Variants in XRCC4 observed in about 807,000 individuals in gnomAD.
The protein encoded by XRCC4 is X-ray repair cross complementing 4, also known as DNA repair protein XRCC4.
Under a neutral mutation model 39.1 loss-of-function variants are expected in XRCC4, and 28 were observed. That is an observed-to-expected ratio of 0.72 (90% CI 0.53 to 0.98). The LOEUF is 0.98. Ranked by LOEUF, XRCC4 falls within the 50% of genes least tolerant of loss-of-function variation. The pLI is 0.00. For missense variants in XRCC4, 350 were observed against 376.4 expected (o/e 0.93, Z 0.58); for synonymous variants, 123 against 126.4 (o/e 0.97, Z 0.18).
chr5:83,171,621 C>T lies in XRCC4; in HGVS notation c.316-24149C>T, dbSNP rs536919707. On this transcript the variant is annotated intron_variant, in intron 3 of 7. Transcript: ENST00000396027. ...ATGGGAAATGCTCTCTGTATTTTGC[C>T]ATTCCATCAACTTGACTCATTTGCC... Among the ~76,000 whole-genome samples, 5 of 152,242 alleles carry T rather than the reference C, an allele frequency of 3.3e-5. No individual in the cohort carries two copies. In the East Asian group the frequency reaches 9.6e-4, roughly 29 times the overall value.
intron 1 of XRCC4, among the ~76,000 whole-genome samples, chr5:83,094,884 C>CT (rs74373750): frequency 0.033 from 4,215 of 127,848 alleles, 91 homozygotes; most frequent in African/African-American, 0.066. Flanking sequence ...ATTCTGAAAT[C>CT]TTTTTTTTTT....
chr5:83,221,606 TTC>T (rs1164937478), intron 6 of XRCC4, among the ~76,000 whole-genome samples: 1 of 152,106 alleles, frequency 6.6e-6, no homozygotes, highest in East Asian at 1.9e-4. Context: ...AATATATTAT[TTC>T]TTTCTCATCT....
intron 7 of XRCC4, among the ~76,000 whole-genome samples, chr5:83,341,505 G>A (rs10061326): frequency 0.25 from 38,743 of 152,022 alleles, 7,154 homozygotes; most frequent in East Asian, 0.71. Context: ...TTAGTGGATG[G>A]AAATAAAGAT....
intron 3 of XRCC4, among the ~76,000 whole-genome samples, chr5:83,143,762 T>C (rs1254151571): frequency 6.6e-6 from 1 of 152,118 alleles, no homozygotes; most frequent in African/African-American, 2.4e-5. Context: ...TTTTCTCGTC[T>C]CCATTTTTTT....
At chr5:83,257,083 G>A (rs1004419688) in intron 6 of XRCC4, among the ~76,000 whole-genome samples, 5 of 152,072 alleles carry the variant, frequency 3.3e-5, no homozygotes, top group African/African-American at 7.2e-5. Context: ...AAGTTGTCTC[G>A]TAGAGATCAA....
At position 83,310,948 on chromosome 5, in the gene XRCC4, C is replaced by A. The variant is rs990200176; in HGVS notation, c.894-42183C>A. On this transcript the variant is annotated intron_variant, in intron 7 of 7. Coordinates refer to ENST00000396027, the MANE Select transcript of XRCC4 (RefSeq NM_003401.5). ...TGGAAAAGCCAAGGAAACTGATCTT[C>A]CCTTCGAGCCTCCGGAGGGAGTGTA... The A allele has an allele frequency of 8.0e-5, 34 of 427,388 alleles. 1 individual carries two copies. In the Admixed American group the frequency reaches 8.9e-4, roughly 11 times the overall value. 26.5% of individuals were successfully genotyped at this position (427,388 alleles called of 1,614,324 possible). A position where few individuals can be genotyped will look rare whatever the true frequency, so the allele number is the denominator to read the frequency against.
At chr5:83,103,561 C>G (rs1239901841) in intron 1 of XRCC4, among the ~76,000 whole-genome samples, 2 of 152,086 alleles carry the variant, frequency 1.3e-5, no homozygotes, top group African/African-American at 4.8e-5. Flanking sequence ...CAATTTTACT[C>G]TTAGGTATAT....
chr5:83,347,192 T>A (rs747241822), intron 7 of XRCC4, among the ~76,000 whole-genome samples: 4 of 152,096 alleles, frequency 2.6e-5, no homozygotes, highest in Non-Finnish European at 5.9e-5. Flanking sequence ...AGTAAAAATA[T>A]CAAGCTGCAA....
chr5:83,320,347 T>TA (rs1756017339), intron 7 of XRCC4, among the ~76,000 whole-genome samples: 1 of 132,160 alleles, frequency 7.6e-6, no homozygotes, highest in South Asian at 2.4e-4. Flanking sequence ...CCCTAAAACT[T>TA]AAAGTATAAT....
chr5:83,372,786 G>A, the XRCC4 span, among the ~76,000 whole-genome samples: 1 of 152,122 alleles, frequency 6.6e-6, no homozygotes, highest in African/African-American at 2.4e-5. Context: ...ATTGTTACTT[G>A]CTAGAAAACA....
At chr5:83,246,847 G>A (rs373170979) in intron 6 of XRCC4, among the ~76,000 whole-genome samples, 6 of 152,256 alleles carry the variant, frequency 3.9e-5, no homozygotes, top group East Asian at 1.9e-4. Flanking sequence ...TTCAGAGATA[G>A]TAAGATAGAT....
chr5:83,212,892 A>T (rs1433994756), intron 6 of XRCC4, among the ~76,000 whole-genome samples: 1 of 149,782 alleles, frequency 6.7e-6, no homozygotes, highest in African/African-American at 2.5e-5. Flanking sequence ...ATGCCACTGC[A>T]CTCCAGCCTG....
intron 7 of XRCC4, among the ~76,000 whole-genome samples, chr5:83,347,248 G>A (rs1451005891): frequency 1.3e-5 from 2 of 152,160 alleles, no homozygotes; most frequent in Non-Finnish European, 1.5e-5. Flanking sequence ...AAAAAAGGCT[G>A]TGAATGTACA....
intron 3 of XRCC4, among the ~76,000 whole-genome samples, chr5:83,129,531 G>A (rs1325345500): frequency 9.2e-5 from 14 of 152,088 alleles, no homozygotes; most frequent in Admixed American, 2.0e-4. Context: ...TGCTAGCTTG[G>A]TGGGGATGGC....
At chr5:83,137,359 G>T (rs1475982549) in intron 3 of XRCC4, among the ~76,000 whole-genome samples, 1 of 152,174 alleles carries the variant, frequency 6.6e-6, no homozygotes, top group Non-Finnish European at 1.5e-5. Context: ...GGGATGCAAT[G>T]TAGTCTAGTT....
chr5:83,236,420 T>G (rs1752692508), intron 6 of XRCC4, among the ~76,000 whole-genome samples: 1 of 152,022 alleles, frequency 6.6e-6, no homozygotes. Context: ...AATCCATGCA[T>G]TTACAGTGAA....
At chr5:83,335,274 A>G (rs1355043616) in intron 7 of XRCC4, among the ~76,000 whole-genome samples, 1 of 151,856 alleles carries the variant, frequency 6.6e-6, no homozygotes, top group East Asian at 1.9e-4. Context: ...ATAGCAATCA[A>G]CTCAATTTTC....
intron 3 of XRCC4, among the ~76,000 whole-genome samples, chr5:83,139,797 A>G (rs2112513936): frequency 6.6e-6 from 1 of 152,322 alleles, no homozygotes; most frequent in Admixed American, 6.5e-5. Context: ...ACCTAAACAC[A>G]GAATAGGTAC....
intron 3 of XRCC4, among the ~76,000 whole-genome samples, chr5:83,135,682 C>G (rs1367033040): frequency 6.6e-6 from 1 of 151,956 alleles, no homozygotes; most frequent in Non-Finnish European, 1.5e-5. Context: ...TTTACATTCG[C>G]TAATCTTTTC....
Sources: gnomAD v4.1 joint callset for allele counts (sites outside exome capture counted in the v4.1 genomes callset) on GRCh38, gnomAD v4.1.1 for gene constraint, MANE v1.5 for transcripts, NCBI Gene and HGNC (gene_info 2026-07-23, HGNC 2026-07-21) for gene names.